Variants in ARHGEF12 observed in about 807,000 individuals in gnomAD.
The protein encoded by ARHGEF12 is KMT2A/ARHGEF12 fusion protein.
A neutral mutation model predicts 211.2 loss-of-function variants in ARHGEF12; 66 were observed. The ratio of observed to expected loss-of-function variants is 0.31; its 90% CI spans 0.26 to 0.38. ARHGEF12 has a LOEUF of 0.38. Ranked by LOEUF, ARHGEF12 falls within the 10% of genes least tolerant of loss-of-function variation. The pLI is 1.00. For synonymous variants in ARHGEF12, 592 were observed against 638.4 expected (o/e 0.93, Z 1.09); for missense variants, 1,429 against 1,869.5 (o/e 0.76, Z 4.34).
chr11:120,383,405 T>A (rs954228771), intron 1 of ARHGEF12, among the ~76,000 whole-genome samples: 1 of 152,188 alleles, frequency 6.6e-6, no homozygotes, highest in African/African-American at 2.4e-5. Context: ...ATTGTCTACC[T>A]TATTTTCATT....
intron 4 of ARHGEF12, among the ~76,000 whole-genome samples, chr11:120,419,120 C>A (rs549481672): frequency 5.3e-4 from 81 of 151,850 alleles, no homozygotes; most frequent in Non-Finnish European, 1.1e-3. Context: ...CCACCACGTT[C>A]GGCTAATTTT....
At chr11:120,445,934 C>T (rs961034140) in intron 16 of ARHGEF12, among the ~76,000 whole-genome samples, 11 of 151,362 alleles carry the variant, frequency 7.3e-5, no homozygotes, top group Non-Finnish European at 1.3e-4. Context: ...CGCAGTGGCT[C>T]ACGCCTGTAG....
At chr11:120,365,137 T>C (rs1382749557) in intron 1 of ARHGEF12, among the ~76,000 whole-genome samples, 1 of 152,210 alleles carries the variant, frequency 6.6e-6, no homozygotes, top group Non-Finnish European at 1.5e-5. Context: ...ATGAATTTTG[T>C]TTTATTCTTC....
chr11:120,459,275 C>T lies in ARHGEF12; in HGVS notation c.2482C>T (p.Leu828=), dbSNP rs745866323. The T allele has an allele frequency of 6.2e-7, 1 of 1,613,462 alleles. No homozygotes were observed. Residue 828 remains leucine, a synonymous_variant, in exon 26 of 41, where the codon CTA becomes TTA. Coordinates refer to ENST00000397843, the MANE Select transcript of ARHGEF12 (RefSeq NM_015313.3). Reference sequence around the variant, plus strand: ...AGAAGGAATTCTGTCACCCTCAGAGCTACGGAAAATTTTTTCAAACTTGGA... The same window carrying T: ...AGAAGGAATTCTGTCACCCTCAGAGTTACGGAAAATTTTTTCAAACTTGGA... ...SREGILSPSE[L]RKIFSNLEDI...
chr11:120,401,252 T>G (rs1415615595), intron 1 of ARHGEF12, among the ~76,000 whole-genome samples: 1 of 152,188 alleles, frequency 6.6e-6, no homozygotes, highest in African/African-American at 2.4e-5. Flanking sequence ...TGACTGTTTA[T>G]TTTGTTGTAG....
chr11:120,337,060 T>C lies in ARHGEF12; in HGVS notation c.-184T>C. 1 of 666,422 alleles carries C rather than the reference T, an allele frequency of 1.5e-6. No individual in the cohort carries two copies. Among genetic ancestry groups the C allele is most frequent in the South Asian group, 1.8e-5 (1 of 54,206 alleles). The allele number at this position is 666,422 out of a possible 1,614,324, so 41.3% of individuals were successfully genotyped here. ...AGTTCGTTTTGGGAGATAACTTGTT[T>C]TGCTCCAAGCCGCATCCGTTGACCC... On this transcript the variant is annotated 5_prime_UTR_variant, in exon 1 of 41. Coordinates refer to ENST00000397843, the MANE Select transcript of ARHGEF12 (RefSeq NM_015313.3).
At chr11:120,479,283 G>C (rs887769506) in intron 37 of ARHGEF12, among the ~76,000 whole-genome samples, 2 of 152,128 alleles carry the variant, frequency 1.3e-5, no homozygotes, top group African/African-American at 4.8e-5. Context: ...AAAGAAACAT[G>C]ACAGACATTA....
chr11:120,443,703 T>G (rs1298845202), intron 15 of ARHGEF12, among the ~76,000 whole-genome samples: 1 of 152,194 alleles, frequency 6.6e-6, no homozygotes, highest in Non-Finnish European at 1.5e-5. Context: ...TTAGTTAGTT[T>G]GTTTACACAG....
intron 18 of ARHGEF12, 68 bp from the exon 19 acceptor site, chr11:120,447,806 A>G (rs149552899): frequency 4.9e-5 from 56 of 1,152,060 alleles, no homozygotes; most frequent in Non-Finnish European, 6.6e-5. Flanking sequence ...GCAGAGTGAG[A>G]CTCTGTCTCA....
At chr11:120,368,850 C>G (rs1943506970) in intron 1 of ARHGEF12, among the ~76,000 whole-genome samples, 2 of 151,972 alleles carry the variant, frequency 1.3e-5, no homozygotes, top group Non-Finnish European at 2.9e-5. Context: ...AAGCCTAGTA[C>G]CCAAAAGTTA....
chr11:120,351,176 C>T (rs899493885), intron 1 of ARHGEF12, among the ~76,000 whole-genome samples: 1 of 150,482 alleles, frequency 6.6e-6, no homozygotes, highest in African/African-American at 2.4e-5. Context: ...GGTGAAACCC[C>T]GTCTCTACTA....
intron 15 of ARHGEF12, 40 bp from the exon 16 acceptor site, chr11:120,445,382 C>G (rs750751442): frequency 6.2e-7 from 1 of 1,608,300 alleles, no homozygotes; most frequent in Non-Finnish European, 8.5e-7. Context: ...CTTCAAATAT[C>G]TTTAGCGTTG....
chr11:120,404,759 A>T (rs1057506488), intron 1 of ARHGEF12, among the ~76,000 whole-genome samples: 2 of 152,192 alleles, frequency 1.3e-5, no homozygotes, highest in African/African-American at 4.8e-5. Flanking sequence ...GATAAATGGC[A>T]GTTGTTATCC....
chr11:120,424,135 T>G (rs1945275579), intron 6 of ARHGEF12, among the ~76,000 whole-genome samples: 1 of 152,210 alleles, frequency 6.6e-6, no homozygotes, highest in Admixed American at 6.5e-5. Context: ...TTGTACTGTT[T>G]TGTATGTCAA....
intron 16 of ARHGEF12, 23 bp downstream of exon 16, chr11:120,445,487 C>T: frequency 6.2e-7 from 1 of 1,611,266 alleles, no homozygotes; most frequent in Non-Finnish European, 8.5e-7. Context: ...CACTAACATC[C>T]TGGAGAATTA....
chr11:120,431,856 G>A lies in ARHGEF12; in HGVS notation c.869G>A (p.Gly290Asp), dbSNP rs746738326. ...EAETDPGDVL[G>D]RTDCSSGDAS... ...GAAACAGATCCTGGAGATGTACTGG[G>A]CAGGACTGACTGTAGCAGTGGAGAT... Residue 290 changes from glycine to aspartate, a missense_variant, in exon 11 of 41, where the codon GGC becomes GAC. Gly to Asp is a moderately conservative substitution (Grantham distance 94). Transcript: ENST00000397843. 2 of 1,614,000 alleles carry A rather than the reference G, an allele frequency of 1.2e-6. No homozygotes were observed. The highest frequency in any genetic ancestry group is 1.7e-6 in the Non-Finnish European group (2 of 1,179,922).
At chr11:120,454,965 G>A (rs1392037933) in intron 22 of ARHGEF12, among the ~76,000 whole-genome samples, 1 of 152,174 alleles carries the variant, frequency 6.6e-6, no homozygotes, top group Non-Finnish European at 1.5e-5. Flanking sequence ...CTCCACCCCT[G>A]AGGGGAGAAA....
chr11:120,387,297 T>C (rs1944067196), intron 1 of ARHGEF12, among the ~76,000 whole-genome samples: 1 of 152,028 alleles, frequency 6.6e-6, no homozygotes, highest in Non-Finnish European at 1.5e-5. Flanking sequence ...TTACATACAA[T>C]ATACATTTAT....
chr11:120,463,414 A>T (rs1247625214), intron 27 of ARHGEF12: 1 of 151,190 alleles, frequency 6.6e-6, no homozygotes, highest in Non-Finnish European at 1.5e-5. Flanking sequence ...AATCCCAGCT[A>T]CTCGGGAGGC....
Sources: allele counts gnomAD v4.1 joint callset (sites outside exome capture counted in the v4.1 genomes callset), GRCh38; gene constraint gnomAD v4.1.1; transcripts MANE v1.5; gene names NCBI Gene and HGNC (gene_info 2026-07-23, HGNC 2026-07-21).